Variants in GCNT2 observed in about 807,000 individuals in gnomAD.
The protein encoded by GCNT2 is glucosaminyl (N-acetyl) transferase 2 (I blood group), also known as N-acetyllactosaminide beta-1,6-N-acetylglucosaminyl-transferase.
GCNT2 carries 34 observed loss-of-function variants against 34.2 expected under a neutral mutation model. The observed-to-expected ratio is 1.00, with a 90% CI of 0.76 to 1.32. The LOEUF (loss-of-function observed/expected upper bound fraction) is 1.32, where lower values mean the gene tolerates loss of function less well. Among genes scored for constraint, GCNT2 ranks in the 40% most tolerant of loss-of-function variants. The probability of loss-of-function intolerance (pLI) is 0.00; values close to 1 mark genes in which losing one functional copy is unlikely to be tolerated. For synonymous variants in GCNT2, 212 were observed against 188.0 expected, an observed-to-expected ratio of 1.13 and a Z score of -1.04; for missense variants, 584 against 489.4, an observed-to-expected ratio of 1.19 and a Z score of -1.82.
Position 10,529,497 on chromosome 6 carries a change from C to A in GCNT2, c.586C>A (p.Pro196Thr), listed in dbSNP as rs1469444177. 2 of 1,613,894 alleles carry A rather than the reference C, an allele frequency of 1.2e-6. No individual in the cohort carries two copies. The highest frequency in any genetic ancestry group is 1.3e-5 in the African/African-American group (1 of 74,886). Residue 196 changes from proline (P) to threonine (T), a missense_variant, in exon 3 of 5, where the codon CCC becomes ACC. Pro to Thr is a conservative substitution (Grantham distance 38). Transcript: ENST00000495262. ...YVINTCGQDF[P>T]LKTNREIVQY... ...CATCAACACCTGCGGGCAAGACTTT[C>A]CCCTGAAAACCAACAGGGAAATAGT...
chr6:10,529,478 C>G lies in GCNT2; in HGVS notation c.567C>G (p.Asn189Lys), dbSNP rs150206842. The change falls in exon 3 of 5, where the codon AAC becomes AAG. Residue 189 changes from asparagine (N) to lysine (K), a missense_variant. Transcript: ENST00000495262. ...ASEVPWKYVI[N>K]TCGQDFPLKT... ...AAGTTCCCTGGAAGTATGTCATCAA[C>G]ACCTGCGGGCAAGACTTTCCCCTGA... The G allele has an allele frequency of 8.7e-6, 14 of 1,614,100 alleles. No individual in the cohort carries two copies. The highest frequency in any genetic ancestry group is 3.3e-5 in the Admixed American group (2 of 60,010).
At chr6:10,552,772 T>C (rs976617389) in intron 3 of GCNT2, among the ~76,000 whole-genome samples, 18 of 152,232 alleles carry the variant, frequency 1.2e-4, no homozygotes, top group Non-Finnish European at 2.9e-5. Flanking sequence ...TCTCTACTTT[T>C]TCATGTATTA....
In GCNT2 at chr6:10,596,596, G is replaced by A. The variant is rs569564068; in HGVS notation, c.926-24755G>A. On this transcript the variant is annotated intron_variant, in intron 3 of 4. Coordinates refer to ENST00000495262, the MANE Select transcript of GCNT2 (RefSeq NM_145649.5). ...AATGGGAAGGAGTATGGTACTAAGA[G>A]TAGAAGATTGGTTAGTGGGGTACAC... Among the ~76,000 whole-genome samples, 6 of 152,174 alleles carry A rather than the reference G, an allele frequency of 3.9e-5. No individual in the cohort carries two copies. The East Asian group carries it at 1.2e-3, about 29-fold the overall frequency.
chr6:10,567,999 C>T (rs888314741), intron 3 of GCNT2, among the ~76,000 whole-genome samples: 8 of 152,144 alleles, frequency 5.3e-5, no homozygotes, highest in African/African-American at 1.4e-4. Flanking sequence ...ACTTAGCTAT[C>T]GGTGGAATTT....
At chr6:10,583,177 ACT>A (rs1280728755) in intron 3 of GCNT2, among the ~76,000 whole-genome samples, 2 of 151,984 alleles carry the variant, frequency 1.3e-5, no homozygotes, top group East Asian at 3.9e-4. Flanking sequence ...ATCCCCGCCA[ACT>A]CTCTAGCAGC....
Position 10,550,881 on chromosome 6 carries a change from AAAGT to A in GCNT2, c.925+21048_925+21051del, listed in dbSNP as rs1262003923. On this transcript the variant is annotated intron_variant, in intron 3 of 4. Coordinates refer to ENST00000495262, the MANE Select transcript of GCNT2 (RefSeq NM_145649.5). ...CAGCTCCTCCAGGTGATGAGATGTA[AAAGT>A]AAAGTTTGCAAACCACTAATCAGTA... 2.0e-5 allele frequency among the ~76,000 whole-genome samples: 3 copies of A among 152,294 alleles called. No individual in the cohort carries two copies. The East Asian group carries it at 5.8e-4, about 29-fold the overall frequency.
intron 1 of GCNT2, among the ~76,000 whole-genome samples, chr6:10,524,945 C>T (rs557489015): frequency 1.2e-4 from 19 of 152,144 alleles, no homozygotes; most frequent in African/African-American, 4.3e-4. Flanking sequence ...CTGCATCAGG[C>T]TTTCACAGAC....
At chr6:10,589,343 TA>T (rs1262449790) in intron 3 of GCNT2, among the ~76,000 whole-genome samples, 26 of 120,988 alleles carry the variant, frequency 2.1e-4, no homozygotes, top group African/African-American at 6.9e-4. Flanking sequence ...AGTGTGTGTG[TA>T]GTGTGTGGTG....
At position 10,628,178 on chromosome 6, in the gene GCNT2, C is replaced by T. The variant is rs1407754391; in HGVS notation, c.*1571C>T. 4.6e-5 allele frequency: 7 copies of T among 152,458 alleles called. No homozygotes were observed. The East Asian group carries it at 1.3e-3, about 29-fold the overall frequency. The allele number at this position is 152,458 out of a possible 1,614,324, so 9.4% of individuals were successfully genotyped here. The stretch of plus-strand genomic sequence containing the variant: ...AGAAGGTAGATTTTAAGAATGGTCT[C>T]AGTGTTAATACTGAGAAAAAGTCCT... On this transcript the variant is annotated 3_prime_UTR_variant, in exon 5 of 5. Coordinates refer to ENST00000495262, the MANE Select transcript of GCNT2 (RefSeq NM_145649.5).
chr6:10,563,837 T>C (rs1454598551), intron 3 of GCNT2, among the ~76,000 whole-genome samples: 2 of 140,072 alleles, frequency 1.4e-5, no homozygotes, highest in African/African-American at 5.2e-5. Flanking sequence ...ATATTGCATA[T>C]GCTTAACAAG....
Position 10,544,974 on chromosome 6 carries a change from AAATAAATG to A in GCNT2, c.925+15140_925+15147del, listed in dbSNP as rs1173820814. ...TAAATAAATAAATAAATAAATAAAT[AAATAAATG>A]AGGTGGTCAGAGAGCTGCTGGGAAA... On this transcript the variant is annotated intron_variant, in intron 3 of 4. Transcript: ENST00000495262. Among the ~76,000 whole-genome samples, 42 of 151,692 alleles carry A rather than the reference AAATAAATG, an allele frequency of 2.8e-4. 1 individual carries two copies. The highest frequency in any genetic ancestry group is 3.2e-3 in the Middle Eastern group (1 of 316).
At chr6:10,611,576 G>A (rs572511800) in intron 3 of GCNT2, among the ~76,000 whole-genome samples, 5 of 152,020 alleles carry the variant, frequency 3.3e-5, no homozygotes, top group East Asian at 3.9e-4. Context: ...TGGTCTGCCC[G>A]CCTCGGCCTC....
intron 3 of GCNT2, among the ~76,000 whole-genome samples, chr6:10,614,246 C>T (rs528838409): frequency 1.3e-5 from 2 of 152,156 alleles, no homozygotes; most frequent in Non-Finnish European, 2.9e-5. Context: ...CAAGTTGAAC[C>T]AAGCAGGACA....
intron 3 of GCNT2, among the ~76,000 whole-genome samples, chr6:10,533,403 A>G (rs772189567): frequency 9.2e-5 from 14 of 152,202 alleles, no homozygotes; most frequent in Non-Finnish European, 1.8e-4. Context: ...TAGGAATGCT[A>G]TAATGGGAGC....
rs1561816536 is a variant in GCNT2 at position 10,582,378 on chromosome 6, T to TTTATTATATACTATAATAAATAGTA, written c.926-38972_926-38971insTATTATATACTATAATAAATAGTAT. On this transcript the variant is annotated intron_variant, in intron 3 of 4. Transcript: ENST00000495262. ...TATTAAATATAATATATACTATAATTTAATATTTATTATATACTATAATAA... is the reference window on the plus strand; with the variant it reads ...TATTAAATATAATATATACTATAATTTTATTATATACTATAATAAATAGTATAATATTTATTATATACTATAATAA... Among the ~76,000 whole-genome samples, 152 of 90,716 alleles carry TTTATTATATACTATAATAAATAGTA rather than the reference T, an allele frequency of 1.7e-3. 4 individuals carry two copies. The highest frequency in any genetic ancestry group is 6.0e-3 in the African/African-American group (132 of 22,138). The allele number at this position is 90,716 out of a possible 152,430, so 59.5% of individuals were successfully genotyped here. A position where few individuals can be genotyped will look rare whatever the true frequency, so the allele number is the denominator to read the frequency against.
intron 1 of GCNT2, among the ~76,000 whole-genome samples, chr6:10,523,972 CAA>C (rs774638226): frequency 1.0e-4 from 7 of 68,376 alleles, no homozygotes; most frequent in Non-Finnish European, 1.1e-4. Flanking sequence ...GACTCTGTCT[CAA>C]AAAAAAAAAA....
chr6:10,580,773 G>A (rs1402613785), intron 3 of GCNT2, among the ~76,000 whole-genome samples: 4 of 152,114 alleles, frequency 2.6e-5, no homozygotes, highest in Admixed American at 6.5e-5. Flanking sequence ...AGCAGAGCTC[G>A]TGGAAGATTA....
At chr6:10,530,851 G>A (rs1202590326) in intron 3 of GCNT2, among the ~76,000 whole-genome samples, 1 of 151,890 alleles carries the variant, frequency 6.6e-6, no homozygotes, top group Non-Finnish European at 1.5e-5. Context: ...TCAGGAGTTC[G>A]AGACCAGCCT....
intron 1 of GCNT2, among the ~76,000 whole-genome samples, chr6:10,524,591 CAAG>C (rs980635676): frequency 1.3e-5 from 2 of 151,966 alleles, no homozygotes; most frequent in Non-Finnish European, 2.9e-5. Flanking sequence ...CCGAACTTGT[CAAG>C]AGAAAACACA....
Sources: gnomAD v4.1 joint callset for allele counts (sites outside exome capture counted in the v4.1 genomes callset) on GRCh38, gnomAD v4.1.1 for gene constraint, MANE v1.5 for transcripts, NCBI Gene and HGNC (gene_info 2026-07-23, HGNC 2026-07-21) for gene names.